The following CAST variants were observed in gnomAD, a reference collection of about 807,000 sequenced individuals.
CAST encodes the protein MIR583 host.
CAST carries 76 observed loss-of-function variants against 119.6 expected under a neutral mutation model. That is an observed-to-expected ratio of 0.64 (90% CI 0.53 to 0.77). CAST has a LOEUF of 0.77. CAST is among the 30% of genes least tolerant of loss of function. The probability of loss-of-function intolerance (pLI) is 0.00; values close to 1 mark genes in which losing one functional copy is unlikely to be tolerated. For missense variants in CAST, 953 were observed against 946.5 expected (o/e 1.01, Z -0.09); for synonymous variants, 319 against 331.6 (o/e 0.96, Z 0.41).
At chr5:96,299,682 A>G in the CAST span, among the ~76,000 whole-genome samples, 2 of 152,220 alleles carry the variant, frequency 1.3e-5, no homozygotes, top group Non-Finnish European at 2.9e-5. Context: ...ATTCACGTAT[A>G]CATCCATAGC....
chr5:96,494,477 A>G, the CAST span, among the ~76,000 whole-genome samples: 1 of 152,254 alleles, frequency 6.6e-6, no homozygotes, highest in Non-Finnish European at 1.5e-5. Flanking sequence ...AAGAGCCTAC[A>G]TGAGAGGCTA....
the CAST span, among the ~76,000 whole-genome samples, chr5:96,356,734 G>A: frequency 2.0e-5 from 3 of 152,110 alleles, no homozygotes; most frequent in Non-Finnish European, 4.4e-5. Context: ...TATTACTGTA[G>A]CCTTGTAGTA....
intron 1 of CAST, among the ~76,000 whole-genome samples, chr5:96,557,088 A>T (rs1251831244): frequency 1.3e-5 from 2 of 152,064 alleles, no homozygotes; most frequent in Non-Finnish European, 2.9e-5. Context: ...TTCAACCCAG[A>T]ATTTCGTATC....
At chr5:96,562,004 G>C (rs1037932934) in intron 1 of CAST, among the ~76,000 whole-genome samples, 1 of 150,420 alleles carries the variant, frequency 6.6e-6, no homozygotes, top group African/African-American at 2.5e-5. Flanking sequence ...GTGTTAGCCA[G>C]GATGGTCTCG....
chr5:95,978,127 A>G, the CAST span, among the ~76,000 whole-genome samples: 1 of 152,100 alleles, frequency 6.6e-6, no homozygotes, highest in East Asian at 1.9e-4. Flanking sequence ...ATGTGTCTCT[A>G]TGATAGAATG....
rs576313230 is a variant in CAST at position 96,628,630 on chromosome 5, C to T, written c.61-46909C>T. ...ATTTGCTAGCTATAAGGTCCTTAAG[C>T]GACATTCACCACTTACCACCACCCA... On this transcript the variant is annotated intron_variant, in intron 1 of 11. Coordinates refer to the CAST transcript ENST00000505143. Among the ~76,000 whole-genome samples, 5 of 152,244 alleles carry T rather than the reference C, an allele frequency of 3.3e-5. No homozygotes were observed. The East Asian group carries it at 5.8e-4, about 18-fold the overall frequency.
At chr5:96,122,158 G>C in the CAST span, among the ~76,000 whole-genome samples, 2 of 151,978 alleles carry the variant, frequency 1.3e-5, no homozygotes, top group Non-Finnish European at 2.9e-5. Context: ...AAATCTCATT[G>C]GTCAGTTTCA....
chr5:96,195,680 T>G, the CAST span, among the ~76,000 whole-genome samples: 1 of 152,218 alleles, frequency 6.6e-6, no homozygotes, highest in Non-Finnish European at 1.5e-5. Context: ...CAAGGTTTAC[T>G]TTGAGCTTGA....
At chr5:96,369,940 C>T in the CAST span, among the ~76,000 whole-genome samples, 1 of 152,016 alleles carries the variant, frequency 6.6e-6, no homozygotes, top group Admixed American at 6.6e-5. Flanking sequence ...CTATGCTTTG[C>T]ACATAGTAGC....
At chr5:96,504,966 G>A in the CAST span, among the ~76,000 whole-genome samples, 2 of 152,186 alleles carry the variant, frequency 1.3e-5, no homozygotes, top group African/African-American at 2.4e-5. Flanking sequence ...CTACCAGTGT[G>A]GCCATTGTGG....
chr5:96,736,322 A>G (rs971653226), intron 10 of CAST, 82 bp downstream of exon 10: 3 of 809,354 alleles, frequency 3.7e-6, no homozygotes, highest in Non-Finnish European at 6.0e-6. Flanking sequence ...CTTGTGGGCA[A>G]ATAATATGAG....
At chr5:96,486,093 A>T in the CAST span, among the ~76,000 whole-genome samples, 1 of 152,184 alleles carries the variant, frequency 6.6e-6, no homozygotes, top group African/African-American at 2.4e-5. Flanking sequence ...TACAGAGTAG[A>T]TCAGGACAGC....
At chr5:96,150,802 C>A in the CAST span, among the ~76,000 whole-genome samples, 1 of 152,156 alleles carries the variant, frequency 6.6e-6, no homozygotes, top group Non-Finnish European at 1.5e-5. Context: ...GGCAAAGCAG[C>A]TGTGGGGGGC....
the CAST span, among the ~76,000 whole-genome samples, chr5:96,277,750 G>A: frequency 7.9e-3 from 1,194 of 151,728 alleles, 14 homozygotes; most frequent in African/African-American, 0.028. Context: ...CATTAAGTAA[G>A]GTTTTTTTTT....
chr5:96,542,519 CT>C (rs1367820087), intron 1 of CAST, among the ~76,000 whole-genome samples: 2 of 152,024 alleles, frequency 1.3e-5, no homozygotes, highest in African/African-American at 4.8e-5. Flanking sequence ...TAATTGCAAT[CT>C]TTTAATGACA....
At chr5:96,202,207 T>A in the CAST span, among the ~76,000 whole-genome samples, 1 of 152,094 alleles carries the variant, frequency 6.6e-6, no homozygotes, top group Non-Finnish European at 1.5e-5. Flanking sequence ...TATTTTAAAG[T>A]CACAAAATCT....
the CAST span, among the ~76,000 whole-genome samples, chr5:96,243,408 C>G: frequency 6.6e-6 from 1 of 151,618 alleles, no homozygotes; most frequent in Admixed American, 6.6e-5. Flanking sequence ...TCTGTGGTTC[C>G]TAGACTTTGT....
chr5:96,179,898 G>A, the CAST span, among the ~76,000 whole-genome samples: 8,153 of 152,144 alleles, frequency 0.054, 341 homozygotes, highest in Non-Finnish European at 0.072. Flanking sequence ...TTAGCCAGGC[G>A]TGGTGGCGGG....
chr5:96,093,301 T>C, the CAST span, among the ~76,000 whole-genome samples: 733 of 152,196 alleles, frequency 4.8e-3, 7 homozygotes, highest in African/African-American at 0.017. Flanking sequence ...ATACAGTACA[T>C]GGTACAGAGA....
Sources: gnomAD v4.1 joint callset for allele counts (sites outside exome capture counted in the v4.1 genomes callset) on GRCh38, gnomAD v4.1.1 for gene constraint, MANE v1.5 for transcripts, NCBI Gene and HGNC (gene_info 2026-07-23, HGNC 2026-07-21) for gene names.